Variants in PCDHGA1 observed in about 807,000 individuals in gnomAD.
PCDHGA1 encodes protocadherin gamma subfamily A, 1, also known as protocadherin gamma-A1.
In PCDHGA1, 32 loss-of-function variants were observed where a neutral mutation model predicts 58.0. The observed-to-expected ratio is 0.55, with a 90% confidence interval of 0.42 to 0.74. PCDHGA1 has a LOEUF of 0.74. Ranked by LOEUF, PCDHGA1 falls within the 30% of genes least tolerant of loss-of-function variation. The pLI, the probability that PCDHGA1 is intolerant of heterozygous loss-of-function variation, is 0.00. For synonymous variants in PCDHGA1, 498 were observed against 501.1 expected (o/e 0.99, Z 0.08); for missense variants, 1,205 against 1,182.3 (o/e 1.02, Z -0.28).
intron 1 of PCDHGA1, chr5:141,350,851 A>G: frequency 1.2e-6 from 2 of 1,614,060 alleles, no homozygotes; most frequent in South Asian, 1.1e-5. Flanking sequence ...AAAAACCTCT[A>G]GACAGGGAAC....
intron 1 of PCDHGA1, chr5:141,430,495 T>C: frequency 3.4e-6 from 1 of 293,400 alleles, no homozygotes; most frequent in Non-Finnish European, 6.2e-6. Context: ...GAAATATCCT[T>C]TCTGGGAGTT....
At chr5:141,414,098 C>A in intron 1 of PCDHGA1, 1 of 1,594,212 alleles carries the variant, frequency 6.3e-7, no homozygotes, top group Non-Finnish European at 8.5e-7. Flanking sequence ...ATAAAAATAT[C>A]AGAAAATCTA....
chr5:141,409,295 G>A, intron 1 of PCDHGA1: 1 of 1,613,992 alleles, frequency 6.2e-7, no homozygotes, highest in Non-Finnish European at 8.5e-7. Context: ...TCCAGGAATG[G>A]TTGTTGCCCT....
chr5:141,490,811 A>G lies in PCDHGA1; in HGVS notation c.2422-3996A>G, dbSNP rs750702067. The G allele has an allele frequency of 1.2e-6, 2 of 1,613,918 alleles. No homozygotes were observed. The highest frequency in any genetic ancestry group is 8.5e-7 in the Non-Finnish European group (1 of 1,179,884). On this transcript the variant is annotated intron_variant, in intron 1 of 3. Coordinates refer to ENST00000517417, the MANE Select transcript of PCDHGA1 (RefSeq NM_018912.3). This position sits in a 1 kb window ranked among gnomAD's most constrained non-coding sequence, Gnocchi z 5.4. ...ATCTTTGCCCAGCGTACCTTTGACTATGAATTGCTGCAGATGCTGCAGATT... is the reference window on the plus strand; with the variant it reads ...ATCTTTGCCCAGCGTACCTTTGACTGTGAATTGCTGCAGATGCTGCAGATT...
chr5:141,503,506 G>A (rs2099820313), intron 2 of PCDHGA1, among the ~76,000 whole-genome samples: 1 of 151,616 alleles, frequency 6.6e-6, no homozygotes, highest in African/African-American at 2.4e-5. Context: ...GGCTGAGGCA[G>A]GAGAATCACT....
At chr5:141,364,601 G>C in intron 1 of PCDHGA1, 1 of 1,614,194 alleles carries the variant, frequency 6.2e-7, no homozygotes, top group Non-Finnish European at 8.5e-7. Context: ...GGGCAGGATA[G>C]ACCGGGAGGA....
chr5:141,376,790 C>T (rs993106299), intron 1 of PCDHGA1: 2 of 364,964 alleles, frequency 5.5e-6, no homozygotes, highest in Non-Finnish European at 9.9e-6. Context: ...GGGTTCACGC[C>T]ATTCTCCTGC....
intron 1 of PCDHGA1, chr5:141,349,960 AG>A (rs1163363657): frequency 7.9e-6 from 2 of 254,118 alleles, no homozygotes; most frequent in Non-Finnish European, 1.5e-5. Context: ...AATTAAAGAC[AG>A]GGTACATAGA....
chr5:141,470,794 C>T (rs1332287628), intron 1 of PCDHGA1, among the ~76,000 whole-genome samples: 1 of 152,162 alleles, frequency 6.6e-6, no homozygotes, highest in African/African-American at 2.4e-5. Flanking sequence ...CTCAAGCAAT[C>T]CTCCCACTTC....
chr5:141,423,531 C>T, intron 1 of PCDHGA1: 1 of 1,613,736 alleles, frequency 6.2e-7, no homozygotes, highest in South Asian at 1.1e-5. Context: ...AGAAGAGTCA[C>T]CTGATTTTCC....
intron 1 of PCDHGA1, chr5:141,395,501 A>T: frequency 2.1e-6 from 1 of 467,130 alleles, no homozygotes; most frequent in African/African-American, 2.0e-5. Context: ...TCATTCACTT[A>T]AGAAGTAGCT....
In PCDHGA1 at chr5:141,346,386, T is replaced by A. The variant is rs1354001719; in HGVS notation, c.2421+13281T>A. The A allele has an allele frequency of 1.9e-6, 3 of 1,614,234 alleles. No individual in the cohort carries two copies. In the Admixed American group the frequency reaches 5.0e-5, roughly 27 times the overall value. On this transcript the variant is annotated intron_variant, in intron 1 of 3. Transcript: ENST00000517417. The stretch of plus-strand genomic sequence containing the variant: ...GGACACGCTCATCAGCCAGGAGAGC[T>A]GTGAGAAAAGCGAGCCTCTTCTGAT...
At position 141,476,573 on chromosome 5, in the gene PCDHGA1, C is replaced by T; in HGVS notation, c.2422-18234C>T. 6.2e-7 allele frequency: 1 copy of T among 1,614,216 alleles called. No homozygotes were observed. Among genetic ancestry groups the T allele is most frequent in the Non-Finnish European group, 8.5e-7 (1 of 1,180,038 alleles). On this transcript the variant is annotated intron_variant, in intron 1 of 3. Coordinates refer to ENST00000517417, the MANE Select transcript of PCDHGA1 (RefSeq NM_018912.3). The surrounding 1 kb of genome is among the most constrained non-coding windows in gnomAD (Gnocchi z 7.6). ...TAGCGAGGCCGTGGCTCCGGGGACG[C>T]GCTTTCCGCTCGAGAGCGCGCACGA... is the stretch of plus-strand genomic sequence containing the variant.
In PCDHGA1 at chr5:141,477,913, T is replaced by G; in HGVS notation, c.2422-16894T>G. ...CACGGGTGGTAGGCTGGGACGCGGA[T>G]GCAGGGCACAATGCCTGGCTCTCCT... On this transcript the variant is annotated intron_variant, in intron 1 of 3. Transcript: ENST00000517417. This position sits in a 1 kb window ranked among gnomAD's most constrained non-coding sequence, Gnocchi z 4.9. 6.2e-7 allele frequency: 1 copy of G among 1,614,190 alleles called. No individual in the cohort carries two copies. Among genetic ancestry groups the G allele is most frequent in the Non-Finnish European group, 8.5e-7 (1 of 1,180,024 alleles).
intron 1 of PCDHGA1, chr5:141,393,938 C>G (rs537803893): frequency 9.3e-6 from 15 of 1,613,818 alleles, no homozygotes; most frequent in Non-Finnish European, 1.3e-5. Context: ...ATGACCAAGA[C>G]TCTGGAAAGA....
intron 1 of PCDHGA1, chr5:141,351,790 G>T (rs3749778): frequency 0.047 from 76,278 of 1,613,396 alleles, 1,925 homozygotes; most frequent in African/African-American, 0.069. Flanking sequence ...GCGGGGTGGT[G>T]TTCGCGCAGC....
Position 141,491,963 on chromosome 5 carries a change from C to A in PCDHGA1, c.2422-2844C>A. ...CCCCCACCCCTACACTCAAAAAAGG[C>A]CGGGGCCTCCTTCGAGCTTCCGGTG... On this transcript the variant is annotated intron_variant, in intron 1 of 3. Coordinates refer to ENST00000517417, the MANE Select transcript of PCDHGA1 (RefSeq NM_018912.3). This position sits in a 1 kb window ranked among gnomAD's most constrained non-coding sequence, Gnocchi z 6.9. 2 of 944,828 alleles carry A rather than the reference C, an allele frequency of 2.1e-6. No homozygotes were observed. Among genetic ancestry groups the A allele is most frequent in the Non-Finnish European group, 3.0e-6 (2 of 670,874 alleles). 58.5% of individuals were successfully genotyped at this position (944,828 alleles called of 1,614,324 possible).
intron 1 of PCDHGA1, among the ~76,000 whole-genome samples, chr5:141,472,677 C>T (rs1275941416): frequency 6.6e-6 from 1 of 151,658 alleles, no homozygotes; most frequent in Non-Finnish European, 1.5e-5. Context: ...ACTGGTCCTT[C>T]CATTTCCCCT....
At chr5:141,395,500 TAAG>T (rs1227202502) in intron 1 of PCDHGA1, 3 of 471,360 alleles carry the variant, frequency 6.4e-6, no homozygotes, top group Non-Finnish European at 1.1e-5. Flanking sequence ...CTCATTCACT[TAAG>T]AAGTAGCTAC....
Sources: gnomAD v4.1 joint callset for allele counts (sites outside exome capture counted in the v4.1 genomes callset) on GRCh38, gnomAD v4.1.1 for gene constraint, Gnocchi (gnomAD v3.1) non-coding constraint, MANE v1.5 for transcripts, NCBI Gene and HGNC (gene_info 2026-07-23, HGNC 2026-07-21) for gene names.